Variants in FSTL5 observed in about 807,000 individuals in gnomAD.
FSTL5 encodes the protein follistatin like 5, also known as follistatin-related protein 5.
FSTL5 carries 62 observed loss-of-function variants against 89.1 expected under a neutral mutation model. The ratio of observed to expected loss-of-function variants is 0.70; its 90% CI spans 0.57 to 0.86. FSTL5 has a LOEUF of 0.86. Ranked by LOEUF, FSTL5 falls within the 40% of genes least tolerant of loss-of-function variation. The pLI, the probability that FSTL5 is intolerant of heterozygous loss-of-function variation, is 0.00. For synonymous variants in FSTL5, 383 were observed against 346.2 expected (o/e 1.11, Z -1.18); for missense variants, 1,057 against 1,001.6 (o/e 1.06, Z -0.75).
intron 3 of FSTL5, among the ~76,000 whole-genome samples, chr4:161,947,754 C>A (rs565489193): frequency 6.6e-6 from 1 of 151,974 alleles, no homozygotes; most frequent in Admixed American, 6.6e-5. Context: ...GAAAGCTCTA[C>A]CAAAAAAAGT....
chr4:161,634,035 T>C (rs892877053), intron 7 of FSTL5, among the ~76,000 whole-genome samples: 11 of 152,210 alleles, frequency 7.2e-5, no homozygotes, highest in African/African-American at 2.2e-4. Context: ...TATACACAAA[T>C]CAACATTCTT....
At chr4:161,735,428 T>C (rs370771276) in intron 6 of FSTL5, among the ~76,000 whole-genome samples, 60 of 152,256 alleles carry the variant, frequency 3.9e-4, no homozygotes, top group African/African-American at 1.4e-3. Context: ...ATTTAGCCCC[T>C]CTTTCTCCTC....
chr4:162,099,797 A>G (rs1730915202), intron 2 of FSTL5, among the ~76,000 whole-genome samples: 1 of 152,224 alleles, frequency 6.6e-6, no homozygotes, highest in Non-Finnish European at 1.5e-5. Context: ...AAGATACACA[A>G]TTGACAAAAT....
chr4:162,125,529 T>C (rs2111444421), intron 1 of FSTL5, among the ~76,000 whole-genome samples: 1 of 152,242 alleles, frequency 6.6e-6, no homozygotes, highest in South Asian at 2.1e-4. Flanking sequence ...AAGTTCTCTA[T>C]TTGTTTCCAT....
At chr4:162,091,223 C>G (rs1037045978) in intron 2 of FSTL5, among the ~76,000 whole-genome samples, 2 of 152,184 alleles carry the variant, frequency 1.3e-5, no homozygotes, top group Non-Finnish European at 2.9e-5. Flanking sequence ...CTCCATTGCA[C>G]TCTGCAATTA....
chr4:161,908,318 T>C (rs1733594029), intron 4 of FSTL5, among the ~76,000 whole-genome samples: 1 of 152,076 alleles, frequency 6.6e-6, no homozygotes, highest in African/African-American at 2.4e-5. Context: ...ATCATATTTG[T>C]TCATACATAT....
intron 10 of FSTL5, among the ~76,000 whole-genome samples, chr4:161,535,813 A>C (rs1731590249): frequency 6.6e-6 from 1 of 152,144 alleles, no homozygotes; most frequent in African/African-American, 2.4e-5. Flanking sequence ...ACTATTCACA[A>C]TACTAAAGAC....
chr4:161,619,040 T>G (rs1300385605), intron 7 of FSTL5, among the ~76,000 whole-genome samples: 8 of 152,008 alleles, frequency 5.3e-5, no homozygotes, highest in Non-Finnish European at 1.2e-4. Flanking sequence ...ACGCTGCATA[T>G]CTACAACTAT....
At chr4:161,848,608 A>G (rs947534342) in intron 4 of FSTL5, among the ~76,000 whole-genome samples, 3 of 152,166 alleles carry the variant, frequency 2.0e-5, no homozygotes, top group African/African-American at 7.2e-5. Flanking sequence ...TCAGGAAAGC[A>G]TAATTTTTTT....
chr4:161,494,007 A>G (rs1417531951), intron 12 of FSTL5, among the ~76,000 whole-genome samples: 1 of 152,156 alleles, frequency 6.6e-6, no homozygotes, highest in Non-Finnish European at 1.5e-5. Context: ...AAACAGTGTG[A>G]TTACTAAGGA....
intron 6 of FSTL5, among the ~76,000 whole-genome samples, chr4:161,757,343 T>C (rs770582687): frequency 1.3e-5 from 2 of 151,908 alleles, no homozygotes; most frequent in Non-Finnish European, 2.9e-5. Context: ...TCTTATATGA[T>C]AGTATCATTC....
intron 4 of FSTL5, among the ~76,000 whole-genome samples, chr4:161,914,853 T>C (rs1162435580): frequency 1.3e-5 from 2 of 152,258 alleles, no homozygotes; most frequent in African/African-American, 2.4e-5. Flanking sequence ...TAATTTCTTA[T>C]TGTGTTCTTC....
intron 3 of FSTL5, among the ~76,000 whole-genome samples, chr4:162,013,572 A>G (rs1736830549): frequency 6.6e-6 from 1 of 152,186 alleles, no homozygotes; most frequent in Non-Finnish European, 1.5e-5. Context: ...AATAGAAGCT[A>G]GGCTTATTCT....
chr4:161,564,390 G>A (rs920674683), intron 8 of FSTL5, among the ~76,000 whole-genome samples: 2 of 150,786 alleles, frequency 1.3e-5, no homozygotes, highest in African/African-American at 4.9e-5. Context: ...TTTTCTTAAG[G>A]AGAAACTGCA....
intron 7 of FSTL5, among the ~76,000 whole-genome samples, chr4:161,651,255 T>C (rs1736330935): frequency 6.6e-6 from 1 of 151,818 alleles, no homozygotes; most frequent in South Asian, 2.1e-4. Context: ...TAATGGCAGA[T>C]TTTTTAGAAC....
At chr4:161,889,362 G>A (rs1732915207) in intron 4 of FSTL5, among the ~76,000 whole-genome samples, 1 of 152,200 alleles carries the variant, frequency 6.6e-6, no homozygotes, top group African/African-American at 2.4e-5. Context: ...CATAAAATAG[G>A]CCAGGTGTGG....
chr4:161,971,449 TA>T (rs1175745701), intron 3 of FSTL5, among the ~76,000 whole-genome samples: 37 of 152,256 alleles, frequency 2.4e-4, no homozygotes, highest in African/African-American at 8.9e-4. Flanking sequence ...TCACATCTAT[TA>T]ATTATATTCA....
chr4:161,682,615 C>CT (rs70937676), intron 6 of FSTL5, among the ~76,000 whole-genome samples: 134,077 of 152,178 alleles, frequency 0.88, 59,558 homozygotes, highest in Non-Finnish European at 0.94. Flanking sequence ...ATCTTCCCAC[C>CT]TCCATGTTCA....
At chr4:161,438,297 T>G (rs895426620) in intron 15 of FSTL5, among the ~76,000 whole-genome samples, 13 of 149,206 alleles carry the variant, frequency 8.7e-5, no homozygotes, top group African/African-American at 3.1e-4. Context: ...TTTTCCTATT[T>G]ATCTGTAAGT....
Sources: allele counts gnomAD v4.1 joint callset (sites outside exome capture counted in the v4.1 genomes callset), GRCh38; gene constraint gnomAD v4.1.1; transcripts MANE v1.5; gene names NCBI Gene and HGNC (gene_info 2026-07-23, HGNC 2026-07-21).